The following WT1 variants were observed in gnomAD, a reference collection of about 807,000 sequenced individuals.
WT1 encodes Wilms tumor protein.
In WT1, 8 loss-of-function variants were observed where a neutral mutation model predicts 60.8. The observed-to-expected ratio is 0.13, with a 90% CI of 0.08 to 0.24. WT1 has a LOEUF of 0.24. Ranked by LOEUF, WT1 falls within the 10% of genes least tolerant of loss-of-function variation. WT1 has a pLI of 1.00. For synonymous variants in WT1, 312 were observed against 297.1 expected, an observed-to-expected ratio of 1.05 and a Z score of -0.52; for missense variants, 568 against 711.8, an observed-to-expected ratio of 0.80 and a Z score of 2.30.
rs750018485 is a variant in WT1 at position 32,400,023 on chromosome 11, G to A, written c.1038C>T (p.Ser346=). The change falls in exon 6 of 10, where the codon AGC becomes AGT. Residue 346 remains serine (S), a synonymous_variant. Transcript: ENST00000452863. ...AGAGGATGGGCGTTGTGTGGTTATC[G>A]CTCTCGTACCCTGTGCTGTGGCTGC... 4.3e-6 allele frequency: 7 copies of A among 1,614,096 alleles called. No individual in the cohort carries two copies. In the African/African-American group the frequency reaches 8.0e-5, roughly 18 times the overall value.
intron 4 of WT1, 127 bp downstream of exon 4, chr11:32,417,449 CT>C (rs1334014407): frequency 4.0e-5 from 34 of 847,624 alleles, no homozygotes; most frequent in Non-Finnish European, 5.2e-5. Context: ...GGAAAGCGTT[CT>C]AATGTCACAG....
intron 3 of WT1, among the ~76,000 whole-genome samples, chr11:32,421,362 A>G (rs1852848311): frequency 6.6e-6 from 1 of 152,210 alleles, no homozygotes; most frequent in South Asian, 2.1e-4. Context: ...GCTTACAGCG[A>G]CCACTGTGGT....
In WT1 at chr11:32,388,524, G is replaced by A. The variant is rs868546165; in HGVS notation, c.*534C>T. On this transcript the variant is annotated 3_prime_UTR_variant, in exon 10 of 10. Transcript: ENST00000452863. ...GGCAGAACTACATCCTGCTTTCCAG[G>A]TTAGCAGCCTGGCTGACCTCGGGAA... The A allele has an allele frequency of 2.8e-4, 69 of 243,062 alleles. No individual in the cohort carries two copies. Among genetic ancestry groups the A allele is most frequent in the Middle Eastern group, 1.3e-3 (1 of 800 alleles). 15.1% of individuals were successfully genotyped at this position (243,062 alleles called of 1,614,324 possible). A position where few individuals can be genotyped will look rare whatever the true frequency, so the allele number is the denominator to read the frequency against.
intron 6 of WT1, 30 bp downstream of exon 6, chr11:32,399,918 C>T: frequency 3.1e-6 from 5 of 1,611,086 alleles, no homozygotes; most frequent in Non-Finnish European, 4.2e-6. Flanking sequence ...GTGCGGCCCC[C>T]TTCCCGCTGG....
chr11:32,389,158 C>G lies in WT1; in HGVS notation c.1469G>C (p.Arg490Pro), dbSNP rs139893274. The change falls in exon 10 of 10, where the codon CGG becomes CCG. Residue 490 changes from arginine (R) to proline (P), a missense_variant. Around this residue, in one of 3 missense-constraint regions of WT1, gnomAD observed 29 missense variants for 46.8 expected, o/e 0.62. Coordinates refer to ENST00000452863, the MANE Select transcript of WT1 (RefSeq NM_024426.6). ...AAACTTTTTCTGACAACTTGGCCACCGACAGCTGAAGGGCTTTTCACCTGT... is the reference window on the plus strand; with the variant it reads ...AAACTTTTTCTGACAACTTGGCCACGGACAGCTGAAGGGCTTTTCACCTGT... The G allele has an allele frequency of 6.2e-7, 1 of 1,614,100 alleles. No homozygotes were observed. Among genetic ancestry groups the G allele is most frequent in the Non-Finnish European group, 8.5e-7 (1 of 1,180,004 alleles).
At chr11:32,421,415 G>A (rs532365923) in intron 3 of WT1, among the ~76,000 whole-genome samples, 4 of 152,190 alleles carry the variant, frequency 2.6e-5, no homozygotes, top group African/African-American at 4.8e-5. Context: ...CTGCCTGTTC[G>A]GAAGTGAACT....
chr11:32,428,013 G>T lies in WT1; in HGVS notation c.830C>A (p.Thr277Asn), dbSNP rs138073760. The T allele has an allele frequency of 6.2e-7, 1 of 1,611,436 alleles. No individual in the cohort carries two copies. Among genetic ancestry groups the T allele is most frequent in the Admixed American group, 1.7e-5 (1 of 59,904 alleles). Residue 277 changes from threonine to asparagine, a missense_variant, in exon 3 of 10, where the codon ACC becomes AAC. Physicochemically the swap from Thr to Asn is moderately conservative, Grantham distance 65 (BLOSUM62 0). Around this residue, in one of 3 missense-constraint regions of WT1, gnomAD observed 523 missense variants for 565.1 expected, o/e 0.93. Coordinates refer to ENST00000452863, the MANE Select transcript of WT1 (RefSeq NM_024426.6). ...GCTGCCGGTGCAGCTGTCGGTGGGG[G>T]TGTGGCAGCCATAGACCGGGGGCGG...
At chr11:32,429,930 C>G (rs908394383) in intron 1 of WT1, among the ~76,000 whole-genome samples, 40 of 147,082 alleles carry the variant, frequency 2.7e-4, no homozygotes, top group African/African-American at 9.9e-4. Context: ...CCTCCATTTT[C>G]GAAACACACA....
intron 1 of WT1, chr11:32,430,502 G>A (rs780543841): frequency 6.6e-7 from 1 of 1,523,758 alleles, no homozygotes; most frequent in Non-Finnish European, 9.0e-7. Flanking sequence ...CGAAATAGAA[G>A]CTACGAAGAA....
chr11:32,399,831 C>T (rs1852092105), intron 6 of WT1, 117 bp downstream of exon 6: 1 of 1,101,346 alleles, frequency 9.1e-7, no homozygotes, highest in African/African-American at 1.6e-5. Context: ...TTAAAGGAGC[C>T]TGCAGTGAAG....
intron 7 of WT1, among the ~76,000 whole-genome samples, chr11:32,393,781 CT>C (rs1459024846): frequency 1.3e-5 from 2 of 152,248 alleles, no homozygotes; most frequent in Non-Finnish European, 2.9e-5. Context: ...ATTTCCCTTC[CT>C]TCCCTCATTA....
At chr11:32,423,425 T>A (rs1941808323) in intron 3 of WT1, among the ~76,000 whole-genome samples, 1 of 152,240 alleles carries the variant, frequency 6.6e-6, no homozygotes, top group South Asian at 2.1e-4. Flanking sequence ...CTTCTGATAA[T>A]GGCCTTCAGG....
Position 32,394,867 on chromosome 11 carries a change from C to T in WT1, c.1264+1390G>A, listed in dbSNP as rs555795065. Among the ~76,000 whole-genome samples the T allele has an allele frequency of 3.9e-5, 6 of 152,340 alleles. No individual in the cohort carries two copies. The South Asian group carries it at 1.0e-3, about 26-fold the overall frequency. ...AACCCTCACTGCATTCTAAGTGCTT[C>T]TCTCTCACTAAAAGTTTCTACAACC... is the stretch of plus-strand genomic sequence containing the variant. On this transcript the variant is annotated intron_variant, in intron 7 of 9. Transcript: ENST00000452863.
chr11:32,428,529 T>C lies in WT1; in HGVS notation c.752A>G (p.His251Arg), dbSNP rs914029023. Reference sequence around the variant, plus strand: ...GCCCTGCTGGCCCATGGGATCCTCATGCTTGAATGAGTGGTTGGGGAACTG... The same window carrying C: ...GCCCTGCTGGCCCATGGGATCCTCACGCTTGAATGAGTGGTTGGGGAACTG... Residue 251 changes from histidine to arginine, a missense_variant, in exon 2 of 10, where the codon CAT becomes CGT. Around this residue, in one of 3 missense-constraint regions of WT1, gnomAD observed 523 missense variants for 565.1 expected, o/e 0.93. Transcript: ENST00000452863. 1 of 1,614,152 alleles carries C rather than the reference T, an allele frequency of 6.2e-7. No homozygotes were observed. The highest frequency in any genetic ancestry group is 8.5e-7 in the Non-Finnish European group (1 of 1,180,036).
chr11:32,406,517 G>A (rs892246607), intron 5 of WT1, among the ~76,000 whole-genome samples: 2 of 152,114 alleles, frequency 1.3e-5, no homozygotes, highest in Admixed American at 6.5e-5. Context: ...GACCACTACC[G>A]GTCCATGGCC....
In WT1 at chr11:32,389,056, C is replaced by T. The variant is rs758798048; in HGVS notation, c.*2G>A. The T allele has an allele frequency of 3.7e-6, 6 of 1,614,206 alleles. No homozygotes were observed. The highest frequency in any genetic ancestry group is 5.1e-6 in the Non-Finnish European group (6 of 1,180,030). On this transcript the variant is annotated 3_prime_UTR_variant, in exon 10 of 10. Coordinates refer to ENST00000452863, the MANE Select transcript of WT1 (RefSeq NM_024426.6). ...CACTGAACGGTCCCCGAGGGAGACC[C>T]CTCAAAGCGCCAGCTGGAGTTTGGT... is the stretch of plus-strand genomic sequence containing the variant.
At chr11:32,399,803 G>T in intron 6 of WT1, 145 bp downstream of exon 6, 1 of 868,446 alleles carries the variant, frequency 1.2e-6, no homozygotes, top group South Asian at 1.5e-5. Context: ...CCCAGGGGAC[G>T]AGCAGGTGTC....
chr11:32,423,689 TG>T (rs1852927947), intron 3 of WT1, among the ~76,000 whole-genome samples: 1 of 152,204 alleles, frequency 6.6e-6, no homozygotes, highest in Non-Finnish European at 1.5e-5. Context: ...TGTGTCACAC[TG>T]GGGAAATTTA....
chr11:32,428,786 C>T (rs1469599333), intron 1 of WT1, among the ~76,000 whole-genome samples, 167 bp from the exon 2 acceptor site: 6 of 152,134 alleles, frequency 3.9e-5, no homozygotes, highest in Non-Finnish European at 7.4e-5. Flanking sequence ...GGCAGGAAGA[C>T]GGCCCAAGTC....
Sources: allele counts gnomAD v4.1 joint callset (sites outside exome capture counted in the v4.1 genomes callset), GRCh38; gene constraint gnomAD v4.1.1; regional missense constraint gnomAD v4.1.1; transcripts MANE v1.5; gene names NCBI Gene and HGNC (gene_info 2026-07-23, HGNC 2026-07-21).